CADPS2: variants seen among roughly 807,000 people sequenced by gnomAD.
CADPS2 encodes the protein calcium-dependent secretion activator 2.
In CADPS2, 93 loss-of-function variants were observed where a neutral mutation model predicts 172.5. That is an observed-to-expected ratio of 0.54 (90% CI 0.46 to 0.64). CADPS2 has a LOEUF of 0.64. Ranked by LOEUF, CADPS2 falls within the 30% of genes least tolerant of loss-of-function variation. CADPS2 has a pLI of 0.00. For synonymous variants in CADPS2, 546 were observed against 555.2 expected, an observed-to-expected ratio of 0.98 and a Z score of 0.23; for missense variants, 1,420 against 1,565.9, an observed-to-expected ratio of 0.91 and a Z score of 1.57.
chr7:122,449,878 C>G (rs913216220), intron 15 of CADPS2, among the ~76,000 whole-genome samples: 13 of 152,294 alleles, frequency 8.5e-5, no homozygotes, highest in African/African-American at 3.1e-4. Flanking sequence ...CTCCCTACCC[C>G]TGGTTATCAT....
intron 1 of CADPS2, among the ~76,000 whole-genome samples, chr7:122,817,521 T>G (rs1172110232): frequency 3.3e-5 from 5 of 152,152 alleles, no homozygotes; most frequent in Admixed American, 2.6e-4. Context: ...CAGCCTTCCC[T>G]TGGTGTTTAA....
intron 8 of CADPS2, among the ~76,000 whole-genome samples, chr7:122,521,322 C>A (rs1044178849): frequency 6.6e-6 from 1 of 152,104 alleles, no homozygotes; most frequent in Admixed American, 6.6e-5. Flanking sequence ...TCTGTGGGCA[C>A]CATTGCATTT....
intron 28 of CADPS2, among the ~76,000 whole-genome samples, chr7:122,334,504 G>A (rs2035538101): frequency 1.3e-5 from 2 of 152,206 alleles, no homozygotes; most frequent in Admixed American, 6.5e-5. Context: ...AGTTCTGTCT[G>A]TAGGGATATA....
chr7:122,884,843 T>C (rs570772891), intron 1 of CADPS2, among the ~76,000 whole-genome samples: 1 of 152,332 alleles, frequency 6.6e-6, no homozygotes, highest in African/African-American at 2.4e-5. Context: ...AAATAAAGGT[T>C]ATCTAAATGG....
In CADPS2 at chr7:122,319,625, T is replaced by C. The variant is rs1390789586; in HGVS notation, c.*540A>G. On this transcript the variant is annotated 3_prime_UTR_variant, in exon 30 of 30. Coordinates refer to ENST00000449022, the MANE Select transcript of CADPS2 (RefSeq NM_017954.11). ...ATACCTGTAGACCAATTCAAAGTAC[T>C]AAGAACCAAGATTAAAGATTTTATA... The C allele has an allele frequency of 6.6e-6, 1 of 152,180 alleles. No individual in the cohort carries two copies. The highest frequency in any genetic ancestry group is 2.4e-5 in the African/African-American group (1 of 41,418). The allele number at this position is 152,180 out of a possible 1,614,324, so 9.4% of individuals were successfully genotyped here. A position where few individuals can be genotyped will look rare whatever the true frequency, so the allele number is the denominator to read the frequency against.
chr7:122,567,673 A>G (rs1260332923), intron 7 of CADPS2, among the ~76,000 whole-genome samples: 1 of 152,212 alleles, frequency 6.6e-6, no homozygotes, highest in Non-Finnish European at 1.5e-5. Context: ...ATGCATAACA[A>G]TAACTCAAAT....
At chr7:122,586,875 T>C (rs1409829937) in intron 6 of CADPS2, among the ~76,000 whole-genome samples, 1 of 152,018 alleles carries the variant, frequency 6.6e-6, no homozygotes, top group Admixed American at 6.6e-5. Context: ...ATTTTTCAAA[T>C]GATTTCATTT....
In CADPS2 at chr7:122,696,629, C is replaced by A. The variant is rs529749107; in HGVS notation, c.454-33060G>T. On this transcript the variant is annotated intron_variant, in intron 2 of 29. Coordinates refer to ENST00000449022, the MANE Select transcript of CADPS2 (RefSeq NM_017954.11). The stretch of plus-strand genomic sequence containing the variant: ...TAGGTCACCCTCCAAGGCTGCGCAG[C>A]AATTCAAATCCCAGTGTTAGCCTTA... 2.0e-5 allele frequency among the ~76,000 whole-genome samples: 3 copies of A among 152,248 alleles called. No individual in the cohort carries two copies. In the South Asian group the frequency reaches 6.2e-4, roughly 32 times the overall value.
At chr7:122,330,412 G>A (rs1013947628) in intron 28 of CADPS2, among the ~76,000 whole-genome samples, 1 of 152,146 alleles carries the variant, frequency 6.6e-6, no homozygotes, top group East Asian at 1.9e-4. Context: ...AACTAAATTT[G>A]TGGCTCTGTT....
chr7:122,461,994 G>A (rs1027830903), intron 14 of CADPS2, among the ~76,000 whole-genome samples: 1 of 152,112 alleles, frequency 6.6e-6, no homozygotes, highest in Non-Finnish European at 1.5e-5. Context: ...TGTACACCTA[G>A]CAAAACTTTC....
chr7:122,516,065 A>C (rs557202135), intron 8 of CADPS2, among the ~76,000 whole-genome samples: 1 of 152,278 alleles, frequency 6.6e-6, no homozygotes, highest in Admixed American at 6.5e-5. Flanking sequence ...GGATACATAC[A>C]TGTTGTATTA....
chr7:122,573,454 C>T (rs1348571464), intron 7 of CADPS2, among the ~76,000 whole-genome samples: 1 of 151,902 alleles, frequency 6.6e-6, no homozygotes, highest in Non-Finnish European at 1.5e-5. Context: ...GTGGGAGGAT[C>T]GCTTGAGCCT....
intron 7 of CADPS2, among the ~76,000 whole-genome samples, chr7:122,558,819 C>T (rs1398498249): frequency 2.6e-5 from 4 of 151,994 alleles, no homozygotes; most frequent in African/African-American, 7.2e-5. Context: ...AAACTACATA[C>T]ATTTGTGCAT....
intron 1 of CADPS2, among the ~76,000 whole-genome samples, chr7:122,757,911 G>GA (rs71161440): frequency 0.22 from 33,356 of 150,408 alleles, 3,964 homozygotes; most frequent in Middle Eastern, 0.31. Context: ...ATAGCACAGG[G>GA]AAAAAAAAAC....
At chr7:122,531,637 G>C (rs1342735354) in intron 8 of CADPS2, among the ~76,000 whole-genome samples, 2 of 152,120 alleles carry the variant, frequency 1.3e-5, no homozygotes, top group Non-Finnish European at 2.9e-5. Flanking sequence ...ATAACGATTG[G>C]TTTCCTAATT....
In CADPS2 at chr7:122,576,793, G is replaced by A. The variant is rs1166396501; in HGVS notation, c.1335+4386C>T. 2.8e-5 allele frequency among the ~76,000 whole-genome samples: 4 copies of A among 141,400 alleles called. No individual in the cohort carries two copies. In the East Asian group the frequency reaches 8.5e-4, roughly 30 times the overall value. The allele number at this position is 141,400 out of a possible 152,430, so 92.8% of individuals were successfully genotyped here. On this transcript the variant is annotated intron_variant, in intron 7 of 29. Coordinates refer to ENST00000449022, the MANE Select transcript of CADPS2 (RefSeq NM_017954.11). ...ATCTGATTTTTTTTTTTTTTTTTGA[G>A]ATGGAGTCTTGCTCTGTTGCCCAGT... is the stretch of plus-strand genomic sequence containing the variant.
intron 1 of CADPS2, among the ~76,000 whole-genome samples, chr7:122,870,023 A>T (rs1256578593): frequency 1.3e-5 from 2 of 152,058 alleles, no homozygotes; most frequent in Non-Finnish European, 2.9e-5. Context: ...GGAACACAGC[A>T]AAAGAAGAGA....
At chr7:122,789,847 A>T (rs1194646776) in intron 1 of CADPS2, among the ~76,000 whole-genome samples, 1 of 152,158 alleles carries the variant, frequency 6.6e-6, no homozygotes, top group Non-Finnish European at 1.5e-5. Context: ...ATGAAGAGCT[A>T]GTTTCTTAAA....
rs201268475 is a variant in CADPS2, at chr7:122,775,022, G to GT, written c.340-37955dup. 3.4e-4 allele frequency among the ~76,000 whole-genome samples: 51 copies of GT among 151,590 alleles called. No individual in the cohort carries two copies. In the East Asian group the frequency reaches 6.8e-3, roughly 20 times the overall value. On this transcript the variant is annotated intron_variant, in intron 1 of 29. Coordinates refer to ENST00000449022, the MANE Select transcript of CADPS2 (RefSeq NM_017954.11). Reference sequence around the variant, plus strand: ...TTGTGTTAGTCTCTCAACTATGTGTGTTTTTTTTAAAATACAAAATTAACC... The same window carrying GT: ...TTGTGTTAGTCTCTCAACTATGTGTGTTTTTTTTTAAAATACAAAATTAACC...
Sources: gnomAD v4.1 joint callset for allele counts (sites outside exome capture counted in the v4.1 genomes callset) on GRCh38, gnomAD v4.1.1 for gene constraint, MANE v1.5 for transcripts, NCBI Gene and HGNC (gene_info 2026-07-23, HGNC 2026-07-21) for gene names.